The following CD180 variants were observed in gnomAD, a reference collection of about 807,000 sequenced individuals.
The protein encoded by CD180 is CD180 antigen.
Under a neutral mutation model 10.7 loss-of-function variants are expected in CD180, and 11 were observed. The ratio of observed to expected loss-of-function variants is 1.03; its 90% CI spans 0.65 to 1.70. CD180 has a LOEUF of 1.70. Among genes scored for constraint, CD180 ranks in the 40% most tolerant of loss-of-function variants. The pLI is 0.00. For synonymous variants in CD180, 286 were observed against 294.6 expected (o/e 0.97, Z 0.30); for missense variants, 729 against 775.2 (o/e 0.94, Z 0.71).
chr5:67,187,459 T>A (rs1043445840), intron 1 of CD180, among the ~76,000 whole-genome samples: 16 of 152,236 alleles, frequency 1.1e-4, no homozygotes, highest in African/African-American at 3.9e-4. Context: ...ACCCTACACA[T>A]AAGTACAGAT....
At chr5:67,190,557 T>C (rs928219124) in intron 1 of CD180, among the ~76,000 whole-genome samples, 1 of 152,268 alleles carries the variant, frequency 6.6e-6, no homozygotes, top group African/African-American at 2.4e-5. Flanking sequence ...CTGGCTCCAG[T>C]GCAGATGGGA....
chr5:67,183,863 A>G lies in CD180; in HGVS notation c.980T>C (p.Val327Ala), dbSNP rs1246202928. 2.5e-6 allele frequency: 4 copies of G among 1,614,210 alleles called. No homozygotes were observed. The South Asian group carries it at 3.3e-5, about 13-fold the overall frequency. The change falls in exon 3 of 3, where the codon GTT (valine) becomes GCT (alanine). Residue 327 changes from valine to alanine, a missense_variant. Val to Ala is a moderately conservative substitution (Grantham distance 64). Coordinates refer to ENST00000256447, the MANE Select transcript of CD180 (RefSeq NM_005582.3). ...TTGATCGAAATGATTTACACTGAGA[A>G]CTAATTTCTTGAGCAAGTTCAGACC... is the stretch of plus-strand genomic sequence containing the variant. Reference protein sequence around the residue: ...MKGLNLLKKLVLSVNHFDQLC... With the variant: ...MKGLNLLKKLALSVNHFDQLC...
chr5:67,189,966 A>AAC (rs1742270397), intron 1 of CD180, among the ~76,000 whole-genome samples: 2 of 152,210 alleles, frequency 1.3e-5, no homozygotes, highest in Non-Finnish European at 2.9e-5. Context: ...GTCTATATCC[A>AAC]AATTTTGCCA....
At position 67,189,029 on chromosome 5, in the gene CD180, C is replaced by T. The variant is rs936110153; in HGVS notation, c.91-3012G>A. 1.2e-4 allele frequency among the ~76,000 whole-genome samples: 18 copies of T among 152,172 alleles called. No homozygotes were observed. The South Asian group carries it at 1.5e-3, about 12-fold the overall frequency. On this transcript the variant is annotated intron_variant, in intron 1 of 2. Transcript: ENST00000256447. ...ACGACCCAGAGAGAATATGTATGTG[C>T]AGCTGCTGCCCCAGTAGTTGCAAAG...
At chr5:67,192,127 A>G (rs1742318670) in intron 1 of CD180, among the ~76,000 whole-genome samples, 1 of 152,184 alleles carries the variant, frequency 6.6e-6, no homozygotes, top group Non-Finnish European at 1.5e-5. Context: ...ACGGTGGCTC[A>G]CGCCTGTAAT....
At chr5:67,188,586 T>A (rs1742245530) in intron 1 of CD180, among the ~76,000 whole-genome samples, 1 of 152,196 alleles carries the variant, frequency 6.6e-6, no homozygotes, top group African/African-American at 2.4e-5. Flanking sequence ...CAGATCAGTG[T>A]CTTTTCTTAT....
chr5:67,191,945 G>A (rs908489292), intron 1 of CD180, among the ~76,000 whole-genome samples: 4 of 152,158 alleles, frequency 2.6e-5, no homozygotes, highest in South Asian at 2.1e-4. Context: ...ATCTAAATGT[G>A]AAACCTAGAA....
rs904464382 is a variant in CD180, at chr5:67,182,799, T to C, written c.*58A>G. 191 of 1,436,790 alleles carry C rather than the reference T, an allele frequency of 1.3e-4. No individual in the cohort carries two copies. Among genetic ancestry groups the C allele is most frequent in the Non-Finnish European group, 1.6e-4 (168 of 1,060,424 alleles). 89.0% of individuals were successfully genotyped at this position (1,436,790 alleles called of 1,614,324 possible). On this transcript the variant is annotated 3_prime_UTR_variant, in exon 3 of 3. Coordinates refer to ENST00000256447, the MANE Select transcript of CD180 (RefSeq NM_005582.3). The stretch of plus-strand genomic sequence containing the variant: ...CTGGTCACCAGCAGATGACAGTTCT[T>C]TCACTTAGAGCAATTTTGCTAAGCA...
rs1261699567 is a variant in CD180 at position 67,182,744 on chromosome 5, A to G, written c.*113T>C. On this transcript the variant is annotated 3_prime_UTR_variant, in exon 3 of 3. Coordinates refer to ENST00000256447, the MANE Select transcript of CD180 (RefSeq NM_005582.3). ...AGAAAAGCACAGTGAGTCCCTGCCC[A>G]GTTCCAGGAAGCAATCTGAAAAGTC... The G allele has an allele frequency of 1.2e-6, 1 of 814,412 alleles. No individual in the cohort carries two copies. The highest frequency in any genetic ancestry group is 2.6e-5 in the East Asian group (1 of 37,780). 50.4% of individuals were successfully genotyped at this position (814,412 alleles called of 1,614,324 possible). A position where few individuals can be genotyped will look rare whatever the true frequency, so the allele number is the denominator to read the frequency against.
At position 67,185,913 on chromosome 5, in the gene CD180, C is replaced by CA; in HGVS notation, c.194dup (p.Leu65PhefsTer7). 1.9e-6 allele frequency: 3 copies of CA among 1,611,226 alleles called. No individual in the cohort carries two copies. Among genetic ancestry groups the CA allele is most frequent in the South Asian group, 1.1e-5 (1 of 90,608 alleles). On this transcript the variant is annotated frameshift_variant, in exon 2 of 3. Coordinates refer to ENST00000256447, the MANE Select transcript of CD180 (RefSeq NM_005582.3). LOFTEE classifies it high-confidence loss of function. ...TGAAGGTTCTATTGTGAATTGTAGG[C>CA]AAAAAATTAAAGCTGAATTCCAAAA...
intron 1 of CD180, among the ~76,000 whole-genome samples, chr5:67,193,694 A>C (rs1282583037): frequency 1.3e-5 from 2 of 152,226 alleles, no homozygotes; most frequent in African/African-American, 4.8e-5. Context: ...CAAAAAGGAA[A>C]GACTTTGCTG....
intron 1 of CD180, among the ~76,000 whole-genome samples, chr5:67,194,636 A>G (rs565125749): frequency 6.6e-6 from 1 of 152,202 alleles, no homozygotes; most frequent in Non-Finnish European, 1.5e-5. Flanking sequence ...GGCCAGTCTC[A>G]CATCAATTAA....
rs995548063 is a variant in CD180 at position 67,191,004 on chromosome 5, A to G, written c.91-4987T>C. 11 of 985,274 alleles carry G rather than the reference A, an allele frequency of 1.1e-5. No homozygotes were observed. The Admixed American group carries it at 1.8e-4, about 17-fold the overall frequency. 61.0% of individuals were successfully genotyped at this position (985,274 alleles called of 1,614,324 possible). A position where few individuals can be genotyped will look rare whatever the true frequency, so the allele number is the denominator to read the frequency against. ...TCCCCATGCATCAGAAGTCTGGGAC[A>G]CTGACCTCCAACGCTTCCTCATTAA... is the stretch of plus-strand genomic sequence containing the variant. On this transcript the variant is annotated intron_variant, in intron 1 of 2. Transcript: ENST00000256447.
At chr5:67,192,434 A>G (rs568559254) in intron 1 of CD180, among the ~76,000 whole-genome samples, 30 of 152,142 alleles carry the variant, frequency 2.0e-4, no homozygotes, top group Non-Finnish European at 4.0e-4. Context: ...GTACTGCGTA[A>G]TTTATAAAGA....
Position 67,184,068 on chromosome 5 carries a change from C to G in CD180, c.775G>C (p.Asp259His). 6.2e-7 allele frequency: 1 copy of G among 1,614,166 alleles called. No homozygotes were observed. Among genetic ancestry groups the G allele is most frequent in the Non-Finnish European group, 8.5e-7 (1 of 1,180,032 alleles). ...SLWLGTFEDIDDEDISSAMLK... is the reference protein window; with the variant it reads ...SLWLGTFEDIHDEDISSAMLK... ...ATGGCTGAACTAATATCTTCGTCAT[C>G]AATGTCCTCAAATGTTCCCAGCCAG... The change falls in exon 3 of 3, where the codon GAT becomes CAT. Residue 259 changes from aspartate to histidine, a missense_variant. Asp to His is a moderately conservative substitution (Grantham distance 81). Transcript: ENST00000256447.
intron 1 of CD180, 103 bp from the exon 2 acceptor site, chr5:67,186,120 A>T: frequency 2.9e-6 from 2 of 694,964 alleles, no homozygotes; most frequent in Non-Finnish European, 4.5e-6. Context: ...TCGTACTTCT[A>T]GTAATCTTTA....
At chr5:67,189,105 T>C (rs891979914) in intron 1 of CD180, among the ~76,000 whole-genome samples, 3 of 152,236 alleles carry the variant, frequency 2.0e-5, no homozygotes, top group African/African-American at 7.2e-5. Context: ...TCCTTTGGCA[T>C]AACTGATGTC....
At position 67,183,278 on chromosome 5, in the gene CD180, A is replaced by T. The variant is rs1554035900; in HGVS notation, c.1565T>A (p.Met522Lys). ...GTTGTGGCTTAAGTCTACATGGCTC[A>T]TTTTTCCCAAGCTGTGGAATGCTTG... is the stretch of plus-strand genomic sequence containing the variant. ...DQQAFHSLGK[M>K]SHVDLSHNSL... Residue 522 changes from methionine to lysine, a missense_variant, in exon 3 of 3, where the codon ATG becomes AAG. Met to Lys is a moderately conservative substitution (Grantham distance 95). Transcript: ENST00000256447. 1.1e-5 allele frequency: 18 copies of T among 1,614,146 alleles called. No homozygotes were observed. In the South Asian group the frequency reaches 2.0e-4, roughly 18 times the overall value.
rs1742056636 is a variant in CD180 at position 67,182,020 on chromosome 5, A to G, written c.*837T>C. ...TTCTTCTGGAAAAGAGACTTCTAAG[A>G]ACCGGATGCCCAAATGAGAAGAGCA... On this transcript the variant is annotated 3_prime_UTR_variant, in exon 3 of 3. Transcript: ENST00000256447. 6.6e-6 allele frequency: 1 copy of G among 152,242 alleles called. No homozygotes were observed. Among genetic ancestry groups the G allele is most frequent in the Admixed American group, 6.5e-5 (1 of 15,290 alleles). The allele number at this position is 152,242 out of a possible 1,614,324, so 9.4% of individuals were successfully genotyped here.
Sources: allele counts gnomAD v4.1 joint callset (sites outside exome capture counted in the v4.1 genomes callset), GRCh38; gene constraint gnomAD v4.1.1; transcripts MANE v1.5; gene names NCBI Gene and HGNC (gene_info 2026-07-23, HGNC 2026-07-21).